Variants in CLOCK observed in about 807,000 individuals in gnomAD.
CLOCK encodes clock circadian regulator, also known as circadian locomoter output cycles protein kaput.
CLOCK carries 43 observed loss-of-function variants against 118.4 expected under a neutral mutation model. The observed-to-expected ratio is 0.36, with a 90% CI of 0.28 to 0.47. CLOCK has a LOEUF of 0.47. Ranked by LOEUF, CLOCK falls within the 20% of genes least tolerant of loss-of-function variation. The pLI is 1.00. For synonymous variants in CLOCK, 326 were observed against 339.2 expected, an observed-to-expected ratio of 0.96 and a Z score of 0.43; for missense variants, 846 against 999.9, an observed-to-expected ratio of 0.85 and a Z score of 2.08.
rs1724897383 is a variant in CLOCK, at chr4:55,456,022, AATCATTATT to A, written c.876-28_876-20del. On this transcript the variant is annotated intron_variant, in intron 12 of 22. Transcript: ENST00000513440. ...TGGTGCCCTAAATTACACAGAAAAC[AATCATTATT>A]ATAAGTTTTTCCATAATAAGAAATA... 27 of 1,579,794 alleles carry A rather than the reference AATCATTATT, an allele frequency of 1.7e-5. No homozygotes were observed. The highest frequency in any genetic ancestry group is 2.3e-5 in the Non-Finnish European group (27 of 1,150,206).
rs1722306881 is a variant in CLOCK, at chr4:55,427,995, T to TAAC, written c.*7419_*7420insGTT. The stretch of plus-strand genomic sequence containing the variant: ...GTGCCACATGAAGCAGGTGTTATTT[T>TAAC]TTGAGAAATGCAGGTGATAACTGAA... On this transcript the variant is annotated 3_prime_UTR_variant, in exon 23 of 23. Coordinates refer to ENST00000513440, the MANE Select transcript of CLOCK (RefSeq NM_004898.4). 1.3e-5 allele frequency: 2 copies of TAAC among 152,360 alleles called. No homozygotes were observed. Among genetic ancestry groups the TAAC allele is most frequent in the Admixed American group, 1.3e-4 (2 of 15,302 alleles). The allele number at this position is 152,360 out of a possible 1,614,324, so 9.4% of individuals were successfully genotyped here. A position where few individuals can be genotyped will look rare whatever the true frequency, so the allele number is the denominator to read the frequency against.
At chr4:55,504,677 T>C (rs1452922524) in intron 2 of CLOCK, among the ~76,000 whole-genome samples, 1 of 152,198 alleles carries the variant, frequency 6.6e-6, no homozygotes, top group Non-Finnish European at 1.5e-5. Context: ...CAAGAATTTT[T>C]TAAGTTCTAA....
chr4:55,503,983 A>G (rs13127442), intron 2 of CLOCK, among the ~76,000 whole-genome samples: 2,020 of 76,802 alleles, frequency 0.026, 66 homozygotes, highest in South Asian at 0.057. Context: ...AGAGGTAAAA[A>G]AAAAAAAAAA....
chr4:55,449,567 G>C (rs1724241816), intron 16 of CLOCK, 71 bp from the exon 17 acceptor site: 1 of 1,284,118 alleles, frequency 7.8e-7, no homozygotes, highest in African/African-American at 1.5e-5. Context: ...ATCTCAAAAT[G>C]TATTTCAGTT....
chr4:55,504,056 G>A (rs1214390344), intron 2 of CLOCK, among the ~76,000 whole-genome samples: 5 of 148,552 alleles, frequency 3.4e-5, no homozygotes, highest in South Asian at 2.1e-4. Context: ...AGGCCAAGGC[G>A]GGCGGATCAC....
At chr4:55,439,952 G>C (rs1723215703) in intron 21 of CLOCK, among the ~76,000 whole-genome samples, 2 of 152,098 alleles carry the variant, frequency 1.3e-5, no homozygotes, top group South Asian at 4.2e-4. Flanking sequence ...CAGTGACAAT[G>C]AACTGTATAT....
At chr4:55,492,042 C>CT (rs1305206051) in intron 2 of CLOCK, among the ~76,000 whole-genome samples, 2 of 152,118 alleles carry the variant, frequency 1.3e-5, no homozygotes, top group Non-Finnish European at 2.9e-5. Context: ...TTTTCAAACT[C>CT]TTTATGAAGC....
chr4:55,449,332 ATT>A, intron 17 of CLOCK, 62 bp downstream of exon 17: 1 of 1,402,856 alleles, frequency 7.1e-7, no homozygotes, highest in Non-Finnish European at 1.0e-6. Flanking sequence ...ATTTCTGAAG[ATT>A]TAGATCATTT....
In CLOCK at chr4:55,435,424, T is replaced by C; in HGVS notation, c.2532A>G (p.Gln844=). The C allele has an allele frequency of 6.2e-7, 1 of 1,613,966 alleles. No individual in the cohort carries two copies. The change falls in exon 23 of 23, where the codon CAA becomes CAG. Residue 844 remains glutamine, a synonymous_variant. Transcript: ENST00000513440. The part of the protein sequence containing the change: ...TDSLPDPSKV[Q]PQ ...AGAGGAAGCACGTGTGCTACTGTGG[T>C]TGAACCTTGGAAGGGTCGGGCAAGC...
intron 1 of CLOCK, among the ~76,000 whole-genome samples, chr4:55,510,322 A>C (rs906427421): frequency 6.6e-6 from 1 of 152,124 alleles, no homozygotes; most frequent in Non-Finnish European, 1.5e-5. Flanking sequence ...GTTTGCTGGA[A>C]ATTGGTTAGA....
At chr4:55,543,478 A>C (rs1329346372) in intron 1 of CLOCK, among the ~76,000 whole-genome samples, 1 of 152,236 alleles carries the variant, frequency 6.6e-6, no homozygotes, top group African/African-American at 2.4e-5. Context: ...CTACAAGATC[A>C]TACAGTGGTG....
At chr4:55,450,992 C>T (rs760976235) in intron 15 of CLOCK, among the ~76,000 whole-genome samples, 11 of 151,872 alleles carry the variant, frequency 7.2e-5, no homozygotes, top group Non-Finnish European at 1.3e-4. Context: ...CTTTCTCCAT[C>T]AGCTCATTCT....
At chr4:55,501,130 A>C (rs1278010469) in intron 2 of CLOCK, among the ~76,000 whole-genome samples, 1 of 152,232 alleles carries the variant, frequency 6.6e-6, no homozygotes, top group East Asian at 1.9e-4. Flanking sequence ...TTTGGATTAC[A>C]GGCATGGGCC....
chr4:55,467,252 A>AT (rs1023877670), intron 8 of CLOCK, among the ~76,000 whole-genome samples: 4 of 152,112 alleles, frequency 2.6e-5, no homozygotes, highest in Non-Finnish European at 5.9e-5. Flanking sequence ...TTAGAAAGGG[A>AT]TTTTTTTAAA....
At chr4:55,470,140 G>A (rs1212529574) in intron 8 of CLOCK, among the ~76,000 whole-genome samples, 1 of 152,190 alleles carries the variant, frequency 6.6e-6, no homozygotes, top group Non-Finnish European at 1.5e-5. Flanking sequence ...GTACAGTACT[G>A]TCTTAGTCCT....
chr4:55,496,070 T>C (rs1050199645), intron 2 of CLOCK, among the ~76,000 whole-genome samples: 6 of 151,742 alleles, frequency 4.0e-5, no homozygotes, highest in African/African-American at 1.5e-4. Flanking sequence ...GCGCCTGTAA[T>C]CCCAACTACT....
chr4:55,540,915 G>A (rs528275772), intron 1 of CLOCK: 13 of 152,110 alleles, frequency 8.5e-5, no homozygotes, highest in Admixed American at 2.0e-4. Flanking sequence ...CTTAATCGTC[G>A]TCATTATTAA....
intron 21 of CLOCK, among the ~76,000 whole-genome samples, 193 bp from the exon 22 acceptor site, chr4:55,438,730 C>T (rs545993415): frequency 9.2e-5 from 14 of 152,274 alleles, no homozygotes; most frequent in African/African-American, 3.4e-4. Flanking sequence ...AAAATTCATA[C>T]AGCAAGATCA....
intron 1 of CLOCK, among the ~76,000 whole-genome samples, chr4:55,525,041 A>T (rs558983241): frequency 6.6e-6 from 1 of 152,328 alleles, no homozygotes; most frequent in Admixed American, 6.5e-5. Flanking sequence ...GGACAGAAAT[A>T]ATTGATGAGT....
Sources: allele counts gnomAD v4.1 joint callset (sites outside exome capture counted in the v4.1 genomes callset), GRCh38; gene constraint gnomAD v4.1.1; transcripts MANE v1.5; gene names NCBI Gene and HGNC (gene_info 2026-07-23, HGNC 2026-07-21).